SLC4A4: variants seen among roughly 807,000 people sequenced by gnomAD.
The protein encoded by SLC4A4 is electrogenic sodium bicarbonate cotransporter 1.
SLC4A4 carries 27 observed loss-of-function variants against 111.5 expected under a neutral mutation model. The observed-to-expected ratio is 0.24, with a 90% confidence interval of 0.18 to 0.33. The LOEUF is 0.33. Ranked by LOEUF, SLC4A4 falls within the 10% of genes least tolerant of loss-of-function variation. SLC4A4 has a pLI of 1.00. For synonymous variants in SLC4A4, 443 were observed against 463.4 expected (o/e 0.96, Z 0.57); for missense variants, 909 against 1,315.5 (o/e 0.69, Z 4.78).
At chr4:71,209,994 G>T (rs182543965) in intron 1 of SLC4A4, among the ~76,000 whole-genome samples, 1 of 152,272 alleles carries the variant, frequency 6.6e-6, no homozygotes, top group East Asian at 1.9e-4. Context: ...TCCGGAGAAC[G>T]CTGTGACCAT....
intron 3 of SLC4A4, among the ~76,000 whole-genome samples, chr4:71,303,619 A>G (rs915225856): frequency 1.2e-4 from 18 of 152,158 alleles, no homozygotes; most frequent in Admixed American, 2.6e-4. Context: ...TTAACATTGT[A>G]ATTCAGGATC....
chr4:71,567,721 T>TAA (rs1737616911), intron 25 of SLC4A4, 67 bp from the exon 26 acceptor site: 1 of 734,452 alleles, frequency 1.4e-6, no homozygotes, highest in South Asian at 1.8e-5. Context: ...ATACAATGCA[T>TAA]AAACATTTGA....
At chr4:71,184,784 G>A (rs1453106577), upstream of SLC4A4, among the ~76,000 whole-genome samples, 3 of 152,140 alleles carry the variant, frequency 2.0e-5, no homozygotes, top group Non-Finnish European at 4.4e-5. Flanking sequence ...CACATGCAGA[G>A]TTTATAAGAA....
intron 9 of SLC4A4, 28 bp from the exon 10 acceptor site, chr4:71,450,361 G>A: frequency 6.4e-7 from 1 of 1,561,508 alleles, no homozygotes; most frequent in Non-Finnish European, 8.8e-7. Context: ...TATCTTTTTG[G>A]ATGAGCACAT....
At chr4:71,240,065 GA>G in intron 2 of SLC4A4, among the ~76,000 whole-genome samples, 1 of 152,258 alleles carries the variant, frequency 6.6e-6, no homozygotes, top group South Asian at 2.1e-4. Context: ...ATAGATGGGG[GA>G]AATTGCTAAT....
intron 2 of SLC4A4, among the ~76,000 whole-genome samples, chr4:71,150,376 G>T (rs566215579): frequency 1.3e-5 from 2 of 152,234 alleles, no homozygotes; most frequent in Admixed American, 6.5e-5. Flanking sequence ...GAGATGGTCT[G>T]CAAGTTGCCT....
chr4:71,514,603 A>G (rs967127144), intron 16 of SLC4A4, among the ~76,000 whole-genome samples: 2 of 152,216 alleles, frequency 1.3e-5, no homozygotes, highest in African/African-American at 4.8e-5. Context: ...GTAGAACTCC[A>G]CAGTGAATCT....
intron 6 of SLC4A4, among the ~76,000 whole-genome samples, chr4:71,357,807 G>T (rs1203391029): frequency 8.6e-6 from 1 of 116,518 alleles, no homozygotes; most frequent in Non-Finnish European, 1.7e-5. Context: ...TATCCTATCT[G>T]TAGTTTATTG....
chr4:71,455,444 ATTC>A, intron 12 of SLC4A4, among the ~76,000 whole-genome samples: 1 of 152,318 alleles, frequency 6.6e-6, no homozygotes, highest in Non-Finnish European at 1.5e-5. Flanking sequence ...TTGGGCAGCT[ATTC>A]TTCATCTAAA....
intron 1 of SLC4A4, among the ~76,000 whole-genome samples, chr4:71,196,581 CAT>C (rs1746010286): frequency 6.6e-6 from 1 of 151,972 alleles, no homozygotes; most frequent in African/African-American, 2.4e-5. Context: ...TTAATTGTTT[CAT>C]ATGTGTTCAT....
intron 1 of SLC4A4, among the ~76,000 whole-genome samples, chr4:71,082,544 G>T (rs1248504244): frequency 6.6e-6 from 1 of 152,014 alleles, no homozygotes. Context: ...CTTTCCTCAG[G>T]AGAAGAGTAT....
rs1429603921 is a variant in SLC4A4, at chr4:71,100,196, A to G, written c.-2+7404A>G. Reference sequence around the variant, plus strand: ...TATCCTTGATGAATATAGATGCAAAATCCTCAATGAAATACTTGCAAATCG... The same window carrying G: ...TATCCTTGATGAATATAGATGCAAAGTCCTCAATGAAATACTTGCAAATCG... On this transcript the variant is annotated intron_variant, in intron 2 of 26. Transcript: ENST00000649996. 2.6e-5 allele frequency among the ~76,000 whole-genome samples: 4 copies of G among 152,284 alleles called. No homozygotes were observed. In the East Asian group the frequency reaches 7.7e-4, roughly 29 times the overall value.
At chr4:71,381,108 A>G (rs1429671056) in intron 6 of SLC4A4, among the ~76,000 whole-genome samples, 1 of 152,196 alleles carries the variant, frequency 6.6e-6, no homozygotes, top group African/African-American at 2.4e-5. Flanking sequence ...GCAAGCAGTA[A>G]CCATGGTTAC....
In SLC4A4 at chr4:71,338,704, G is replaced by GTT. The variant is rs1197963520; in HGVS notation, c.254-653_254-652dup. On this transcript the variant is annotated intron_variant, in intron 3 of 25. Transcript: ENST00000264485. ...TATGTGCTTGAGTGTGTTGGAAAATGTTTTTTTTTTTTTTCTCTCTCCCTC... is the reference window on the plus strand; with the variant it reads ...TATGTGCTTGAGTGTGTTGGAAAATGTTTTTTTTTTTTTTTTCTCTCTCCCTC... Among the ~76,000 whole-genome samples, 342 of 134,288 alleles carry GTT rather than the reference G, an allele frequency of 2.5e-3. 2 individuals are homozygous for GTT. Among genetic ancestry groups the GTT allele is most frequent in the African/African-American group, 8.7e-3 (320 of 36,794 alleles). 88.1% of individuals were successfully genotyped at this position (134,288 alleles called of 152,430 possible).
intron 2 of SLC4A4, among the ~76,000 whole-genome samples, chr4:71,109,789 G>A (rs565682688): frequency 5.3e-5 from 8 of 152,098 alleles, no homozygotes; most frequent in South Asian, 2.1e-4. Flanking sequence ...GTGATCTGTC[G>A]TCCTCGGCCT....
intron 2 of SLC4A4, among the ~76,000 whole-genome samples, chr4:71,107,311 G>A (rs956641113): frequency 4.0e-5 from 6 of 151,712 alleles, no homozygotes; most frequent in Admixed American, 1.3e-4. Context: ...CTTCATTTCC[G>A]GCATTACTGT....
intron 7 of SLC4A4, among the ~76,000 whole-genome samples, chr4:71,438,631 A>G (rs1028954806): frequency 1.3e-5 from 2 of 152,232 alleles, no homozygotes; most frequent in Non-Finnish European, 2.9e-5. Context: ...AGTCATGGAT[A>G]AATGCAATCA....
intron 1 of SLC4A4, among the ~76,000 whole-genome samples, chr4:71,068,058 A>C (rs1741569887): frequency 7.4e-6 from 1 of 134,670 alleles, no homozygotes; most frequent in East Asian, 2.3e-4. Context: ...CTTTTTGAAC[A>C]AACGTTTTTT....
intron 4 of SLC4A4, 117 bp from the exon 5 acceptor site, chr4:71,349,795 C>T (rs1012980434): frequency 2.2e-6 from 2 of 920,288 alleles, no homozygotes; most frequent in Non-Finnish European, 3.5e-6. Context: ...ATTAATACTC[C>T]ACAAAAAGAG....
Sources: gnomAD v4.1 joint callset for allele counts (sites outside exome capture counted in the v4.1 genomes callset) on GRCh38, gnomAD v4.1.1 for gene constraint, MANE v1.5 for transcripts, NCBI Gene and HGNC (gene_info 2026-07-23, HGNC 2026-07-21) for gene names.